Variants in ENOSF1 observed in about 807,000 individuals in gnomAD.
The protein encoded by ENOSF1 is mitochondrial enolase superfamily member 1.
A neutral mutation model predicts 68.2 loss-of-function variants in ENOSF1; 73 were observed. The ratio of observed to expected loss-of-function variants is 1.07; its 90% CI spans 0.89 to 1.30. The LOEUF is 1.30. Among genes scored for constraint, ENOSF1 ranks in the 50% most tolerant of loss-of-function variants. The pLI, the probability that ENOSF1 is intolerant of heterozygous loss-of-function variation, is 0.00. For missense variants in ENOSF1, 589 were observed against 554.5 expected (o/e 1.06, Z -0.62); for synonymous variants, 223 against 210.4 (o/e 1.06, Z -0.52).
chr18:667,215 AGATGGT>A (rs1229328111), downstream of ENOSF1, among the ~76,000 whole-genome samples: 22 of 25,372 alleles, frequency 8.7e-4, no homozygotes, highest in East Asian at 4.6e-3. Flanking sequence ...ATGGTGATGG[AGATGGT>A]GATGGTGATG....
chr18:700,221 G>T (rs1294938273), intron 2 of ENOSF1, among the ~76,000 whole-genome samples: 1 of 152,190 alleles, frequency 6.6e-6, no homozygotes, highest in Non-Finnish European at 1.5e-5. Context: ...TAGGGCTTTT[G>T]TTAATGGGAT....
intron 2 of ENOSF1, among the ~76,000 whole-genome samples, chr18:703,293 T>A (rs2145373848): frequency 6.6e-6 from 1 of 152,242 alleles, no homozygotes; most frequent in African/African-American, 2.4e-5. Context: ...AAGGGCTTCT[T>A]ATCTATCTTA....
At chr18:693,124 T>C in intron 5 of ENOSF1, 1 of 1,289,068 alleles carries the variant, frequency 7.8e-7, no homozygotes, top group Non-Finnish European at 1.0e-6. Context: ...CTGAAGCTCA[T>C]TCCCCTTTAA....
At chr18:706,801 G>GTATATATATATATATATA (rs1555673646) in intron 1 of ENOSF1, 1 of 151,172 alleles carries the variant, frequency 6.6e-6, no homozygotes, top group African/African-American at 2.9e-5. Flanking sequence ...AGCAATGTAT[G>GTATATATATATATATATA]TATATATATA....
intron 7 of ENOSF1, 122 bp downstream of exon 7, chr18:690,946 T>C (rs2077094803): frequency 8.0e-7 from 1 of 1,251,660 alleles, no homozygotes; most frequent in Non-Finnish European, 1.1e-6. Context: ...GAATGTTGAT[T>C]TGAGGGCCTA....
chr18:667,565 T>TGATGGA (rs1356120076), downstream of ENOSF1, among the ~76,000 whole-genome samples: 45 of 60,284 alleles, frequency 7.5e-4, 8 homozygotes, highest in African/African-American at 5.7e-3. Context: ...ATGGTGATGG[T>TGATGGA]GATGGAGATG....
chr18:668,940 C>G, downstream of ENOSF1: 1 of 639,842 alleles, frequency 1.6e-6, no homozygotes, highest in Non-Finnish European at 2.6e-6. Flanking sequence ...TTGCAGGATG[C>G]ACCAGATGTC....
Position 694,348 on chromosome 18 carries a change from A to G in ENOSF1, c.310-14T>C, listed in dbSNP as rs1433943724. 2 of 1,613,210 alleles carry G rather than the reference A, an allele frequency of 1.2e-6. No homozygotes were observed. Among genetic ancestry groups the G allele is most frequent in the African/African-American group, 1.3e-5 (1 of 74,896 alleles). The stretch of plus-strand genomic sequence containing the variant: ...TTCTGGACCAATCTGGTTAGGAAGC[A>G]AAGTACAAAAGCACTTTTTAGAAAT... On this transcript the variant is annotated splice_polypyrimidine_tract_variant and intron_variant, in intron 3 of 15. Transcript: ENST00000647584.
At chr18:690,725 A>AGCTGTTTCCCCTGGAGAGTCCG (rs775263230) in intron 7 of ENOSF1, 94 bp from the exon 8 acceptor site, 1 of 1,562,500 alleles carries the variant, frequency 6.4e-7, no homozygotes, top group Non-Finnish European at 8.6e-7. Context: ...TGGAGAGTCC[A>AGCTGTTTCCCCTGGAGAGTCCG]GCTGTTCTCC....
chr18:677,675 C>T, intron 13 of ENOSF1, 68 bp downstream of exon 13: 1 of 1,549,872 alleles, frequency 6.5e-7, no homozygotes, highest in Non-Finnish European at 8.7e-7. Context: ...GAATTGCAAA[C>T]CATCAAGGGA....
intron 9 of ENOSF1, chr18:687,555 GGCAAAAAGT>G (rs1481795720): frequency 6.6e-6 from 1 of 152,230 alleles, no homozygotes; most frequent in East Asian, 1.9e-4. Context: ...ACATGTCACA[GGCAAAAAGT>G]GCCACCGTGA....
rs1201399202 is a variant in ENOSF1 at position 677,854 on chromosome 18, A to G, written c.937T>C (p.Phe313Leu). ...GCCTTCGCCTGTAGGAGTTGCTTAA[A>G]TATCACTCTATTGTGGCACTGGAAA... ...TGEQCHNRVI[F>L]KQLLQAKALQ... Residue 313 changes from phenylalanine to leucine, a missense_variant, in exon 13 of 16, where the codon TTT (phenylalanine) becomes CTT (leucine). Physicochemically the swap from Phe to Leu is conservative, Grantham distance 22. Coordinates refer to ENST00000647584, the MANE Select transcript of ENOSF1 (RefSeq NM_017512.7). 2.5e-6 allele frequency: 4 copies of G among 1,613,836 alleles called. No individual in the cohort carries two copies. The highest frequency in any genetic ancestry group is 3.4e-6 in the Non-Finnish European group (4 of 1,179,978).
At chr18:697,484 C>T (rs936146790) in intron 2 of ENOSF1, 129 bp from the exon 3 acceptor site, 39 of 690,964 alleles carry the variant, frequency 5.6e-5, no homozygotes, top group Non-Finnish European at 9.4e-5. Flanking sequence ...GGCGCGGTGG[C>T]TCATGCCTGT....
intron 14 of ENOSF1, among the ~76,000 whole-genome samples, chr18:676,756 C>T (rs2075564034): frequency 1.3e-5 from 2 of 152,230 alleles, no homozygotes; most frequent in Non-Finnish European, 2.9e-5. Context: ...ACTGAAGCCT[C>T]CTATGTACCC....
At chr18:712,152 A>G (rs917693227) in intron 1 of ENOSF1, among the ~76,000 whole-genome samples, 11 of 152,170 alleles carry the variant, frequency 7.2e-5, no homozygotes, top group Non-Finnish European at 2.9e-5. Context: ...AAACCAGGAT[A>G]TTCTAAACTC....
Position 702,280 on chromosome 18 carries a change from A to C in ENOSF1, c.193+4190T>G, listed in dbSNP as rs910844189. Among the ~76,000 whole-genome samples, 18 of 149,196 alleles carry C rather than the reference A, an allele frequency of 1.2e-4. 1 individual carries two copies. Among genetic ancestry groups the C allele is most frequent in the East Asian group, 4.0e-4 (2 of 5,046 alleles). On this transcript the variant is annotated intron_variant, in intron 2 of 15. Coordinates refer to ENST00000647584, the MANE Select transcript of ENOSF1 (RefSeq NM_017512.7). ...ACTACATCTCAAAAAAAAAAAAAAA[A>C]AAAAAACCCAGGTCAGGTGTGGTGG...
chr18:667,571 A>AGATGGTGATGGAGATGGT (rs2074880035), downstream of ENOSF1: 12 of 27,964 alleles, frequency 4.3e-4, 3 homozygotes, highest in Admixed American at 6.8e-4. Flanking sequence ...ATGGTGATGG[A>AGATGGTGATGGAGATGGT]GATGGTGATG....
intron 9 of ENOSF1, chr18:686,988 C>T (rs985255704): frequency 6.6e-6 from 1 of 152,196 alleles, no homozygotes; most frequent in African/African-American, 2.4e-5. Context: ...TTAAATCTCC[C>T]CACAGCCTTC....
intron 2 of ENOSF1, among the ~76,000 whole-genome samples, chr18:705,668 C>T (rs1287251882): frequency 2.6e-5 from 4 of 152,072 alleles, no homozygotes; most frequent in African/African-American, 9.7e-5. Flanking sequence ...GGGGCCAAAG[C>T]CCTTTTCGCC....
Sources: allele counts gnomAD v4.1 joint callset (sites outside exome capture counted in the v4.1 genomes callset), GRCh38; gene constraint gnomAD v4.1.1; transcripts MANE v1.5; gene names NCBI Gene and HGNC (gene_info 2026-07-23, HGNC 2026-07-21).